The following FARP1 variants were observed in gnomAD, a reference collection of about 807,000 sequenced individuals.
FARP1 encodes FERM, ARHGEF and pleckstrin domain-containing protein 1.
A neutral mutation model predicts 128.8 loss-of-function variants in FARP1; 52 were observed. The observed-to-expected ratio is 0.40, with a 90% CI of 0.32 to 0.51. The LOEUF is 0.51. Among genes scored for constraint, FARP1 ranks in the 20% least tolerant of loss-of-function variants. The probability of loss-of-function intolerance (pLI) is 0.45; values close to 1 mark genes in which losing one functional copy is unlikely to be tolerated. For synonymous variants in FARP1, 580 were observed against 551.8 expected, an observed-to-expected ratio of 1.05 and a Z score of -0.72; for missense variants, 1,333 against 1,367.9, an observed-to-expected ratio of 0.97 and a Z score of 0.40.
chr13:98,383,809 T>C (rs1157127030), intron 6 of FARP1: 1 of 152,204 alleles, frequency 6.6e-6, no homozygotes, highest in Admixed American at 6.5e-5. Flanking sequence ...GAGGACTGTC[T>C]TGAGGTTATG....
At chr13:98,439,800 G>A (rs1182754944) in intron 21 of FARP1, among the ~76,000 whole-genome samples, 161 bp from the exon 22 acceptor site, 1 of 152,068 alleles carries the variant, frequency 6.6e-6, no homozygotes, top group Non-Finnish European at 1.5e-5. Context: ...TCCGATTTGG[G>A]TTTTTCCAAC....
At chr13:98,264,443 C>T (rs1380831033) in intron 2 of FARP1, among the ~76,000 whole-genome samples, 1 of 152,190 alleles carries the variant, frequency 6.6e-6, no homozygotes, top group Non-Finnish European at 1.5e-5. Context: ...TGTCCGTGCT[C>T]CCCGTCCGCC....
At chr13:98,360,968 C>T (rs748534275) in intron 3 of FARP1, among the ~76,000 whole-genome samples, 4 of 152,136 alleles carry the variant, frequency 2.6e-5, no homozygotes, top group Non-Finnish European at 5.9e-5. Context: ...TTTAACTCAT[C>T]GGTAACTGGT....
chr13:98,284,181 T>A (rs1885062986), intron 2 of FARP1, among the ~76,000 whole-genome samples: 1 of 151,836 alleles, frequency 6.6e-6, no homozygotes, highest in South Asian at 2.1e-4. Flanking sequence ...ACTTTTTGTG[T>A]GATTTTTTTT....
chr13:98,208,729 G>C, intron 1 of FARP1: 1 of 152,718 alleles, frequency 6.5e-6, no homozygotes, highest in Non-Finnish European at 1.5e-5. Flanking sequence ...AGACATGTTC[G>C]ATGGAAGGAC....
At chr13:98,397,639 A>C (rs532850688) in intron 13 of FARP1, 1 of 152,152 alleles carries the variant, frequency 6.6e-6, no homozygotes, top group Non-Finnish European at 1.5e-5. Context: ...TTTCTGAGAT[A>C]TTTTAAAAAT....
At chr13:98,144,392 G>A (rs559420253) in intron 1 of FARP1, among the ~76,000 whole-genome samples, 1 of 152,308 alleles carries the variant, frequency 6.6e-6, no homozygotes, top group Non-Finnish European at 1.5e-5. Context: ...TCGTGGAGAC[G>A]TGGGAGAGCC....
chr13:98,157,301 C>A (rs963398107), intron 1 of FARP1, among the ~76,000 whole-genome samples: 9 of 151,986 alleles, frequency 5.9e-5, no homozygotes, highest in African/African-American at 2.2e-4. Flanking sequence ...GCCTCCTGTA[C>A]TTCCCTCTTC....
At chr13:98,200,824 G>C (rs1879892008) in intron 1 of FARP1, among the ~76,000 whole-genome samples, 1 of 152,192 alleles carries the variant, frequency 6.6e-6, no homozygotes, top group Non-Finnish European at 1.5e-5. Flanking sequence ...CTTTCTGGGT[G>C]AGGTGACACT....
intron 2 of FARP1, among the ~76,000 whole-genome samples, chr13:98,238,494 AAG>A (rs1388744596): frequency 1.3e-5 from 2 of 152,218 alleles, no homozygotes; most frequent in African/African-American, 2.4e-5. Flanking sequence ...TTATTAAAAA[AAG>A]AGGGTTATTG....
intron 2 of FARP1, among the ~76,000 whole-genome samples, chr13:98,225,374 G>A (rs560631645): frequency 6.6e-6 from 1 of 152,202 alleles, no homozygotes; most frequent in South Asian, 2.1e-4. Context: ...GCTTGGACTC[G>A]CACCATTCCT....
chr13:98,207,907 T>A, intron 1 of FARP1, among the ~76,000 whole-genome samples: 1 of 33,166 alleles, frequency 3.0e-5, no homozygotes, highest in African/African-American at 1.2e-4. Context: ...GACCACCACC[T>A]CCACACACAC....
chr13:98,228,572 G>A (rs867783933), intron 2 of FARP1, among the ~76,000 whole-genome samples: 4 of 152,128 alleles, frequency 2.6e-5, no homozygotes, highest in Admixed American at 6.5e-5. Flanking sequence ...ATAGTATATC[G>A]TTAGTTACCA....
chr13:98,327,701 AC>A (rs1294594563), intron 2 of FARP1, among the ~76,000 whole-genome samples: 1 of 152,158 alleles, frequency 6.6e-6, no homozygotes, highest in East Asian at 1.9e-4. Flanking sequence ...ATAGTACCAG[AC>A]CTGATTGCTG....
At chr13:98,270,000 G>A (rs1884314327) in intron 2 of FARP1, among the ~76,000 whole-genome samples, 1 of 152,190 alleles carries the variant, frequency 6.6e-6, no homozygotes, top group Non-Finnish European at 1.5e-5. Flanking sequence ...AACTACTTGG[G>A]AGGCTGAGGC....
chr13:98,354,626 A>T (rs1448164331), intron 3 of FARP1, among the ~76,000 whole-genome samples: 1 of 152,194 alleles, frequency 6.6e-6, no homozygotes, highest in Non-Finnish European at 1.5e-5. Context: ...ATATACACTA[A>T]TTTTTTTGAC....
At chr13:98,340,698 C>T (rs1473812938) in intron 2 of FARP1, 1 of 152,066 alleles carries the variant, frequency 6.6e-6, no homozygotes, top group South Asian at 2.1e-4. Flanking sequence ...AGGTGGACCC[C>T]GAATAAGTTG....
Position 98,266,055 on chromosome 13 carries a change from A to G in FARP1, c.171+52642A>G, listed in dbSNP as rs532490562. On this transcript the variant is annotated intron_variant, in intron 2 of 26. Coordinates refer to ENST00000319562, the MANE Select transcript of FARP1 (RefSeq NM_005766.4). ...GGACTTGAAAGCGCTTTTTTTTCCC[A>G]TTTTTTTTTCCTAGAGTGACTGAAT... 2.7e-5 allele frequency among the ~76,000 whole-genome samples: 4 copies of G among 150,642 alleles called. No individual in the cohort carries two copies. In the East Asian group the frequency reaches 5.9e-4, roughly 22 times the overall value.
intron 2 of FARP1, among the ~76,000 whole-genome samples, chr13:98,313,136 ACACACT>A (rs1430808441): frequency 3.4e-4 from 44 of 130,034 alleles, no homozygotes; most frequent in African/African-American, 9.3e-4. Flanking sequence ...ACACACACAC[ACACACT>A]CACTCGAATC....
Sources: gnomAD v4.1 joint callset for allele counts (sites outside exome capture counted in the v4.1 genomes callset) on GRCh38, gnomAD v4.1.1 for gene constraint, MANE v1.5 for transcripts, NCBI Gene and HGNC (gene_info 2026-07-23, HGNC 2026-07-21) for gene names.